The following CSMD1 variants were observed in gnomAD, a reference collection of about 807,000 sequenced individuals.
CSMD1 encodes the protein CUB and Sushi multiple domains 1, also known as CUB and sushi domain-containing protein 1.
In CSMD1, 213 loss-of-function variants were observed where a neutral mutation model predicts 417.5. That is an observed-to-expected ratio of 0.51 (90% CI 0.46 to 0.57). CSMD1 has a LOEUF of 0.57. Among genes scored for constraint, CSMD1 ranks in the 20% least tolerant of loss-of-function variants. The pLI, the probability that CSMD1 is intolerant of heterozygous loss-of-function variation, is 0.00. For missense variants in CSMD1, 6,923 were observed against 4,529.7 expected (o/e 1.53, Z -15.17); for synonymous variants, 2,862 against 1,736.8 (o/e 1.65, Z -16.11).
At chr8:4,226,875 A>C (rs1801392548) in intron 3 of CSMD1, among the ~76,000 whole-genome samples, 1 of 152,248 alleles carries the variant, frequency 6.6e-6, no homozygotes, top group African/African-American at 2.4e-5. Flanking sequence ...TTTGGGAATA[A>C]GAAATACATA....
chr8:3,616,339 T>C (rs536879320), intron 8 of CSMD1, among the ~76,000 whole-genome samples: 12 of 152,250 alleles, frequency 7.9e-5, no homozygotes, highest in African/African-American at 2.6e-4. Context: ...ACTTCGCTCA[T>C]TCTTCTCCTT....
At chr8:4,538,474 C>G (rs1157198727) in intron 2 of CSMD1, among the ~76,000 whole-genome samples, 1 of 151,888 alleles carries the variant, frequency 6.6e-6, no homozygotes, top group African/African-American at 2.4e-5. Context: ...GAAACCCTGT[C>G]TCTACTAAAA....
intron 3 of CSMD1, among the ~76,000 whole-genome samples, chr8:4,067,507 T>G (rs987067037): frequency 2.6e-5 from 4 of 152,284 alleles, no homozygotes; most frequent in African/African-American, 7.2e-5. Context: ...TTCAAAATTT[T>G]TAAATGCATT....
At chr8:3,548,952 CTGTCT>C (rs1798794687) in intron 10 of CSMD1, among the ~76,000 whole-genome samples, 1 of 152,116 alleles carries the variant, frequency 6.6e-6, no homozygotes, top group Non-Finnish European at 1.5e-5. Context: ...TGTGCCTGTC[CTGTCT>C]TAACTCTGCT....
chr8:3,969,437 G>A (rs896841634), intron 5 of CSMD1, among the ~76,000 whole-genome samples: 1 of 152,070 alleles, frequency 6.6e-6, no homozygotes, highest in African/African-American at 2.4e-5. Flanking sequence ...GGAGATGGGT[G>A]GTCATGGTCA....
At chr8:2,983,369 G>T (rs1805589169) in intron 54 of CSMD1, among the ~76,000 whole-genome samples, 1 of 151,974 alleles carries the variant, frequency 6.6e-6, no homozygotes, top group Admixed American at 6.6e-5. Context: ...TGTATTTTTA[G>T]TAGAGACAGA....
At chr8:4,287,258 A>G (rs1039195173) in intron 3 of CSMD1, among the ~76,000 whole-genome samples, 1 of 152,162 alleles carries the variant, frequency 6.6e-6, no homozygotes, top group East Asian at 1.9e-4. Flanking sequence ...ATTCCCCCTC[A>G]CATTCCTTGA....
At chr8:3,658,393 C>T (rs1450216144) in intron 7 of CSMD1, among the ~76,000 whole-genome samples, 1 of 150,322 alleles carries the variant, frequency 6.7e-6, no homozygotes, top group Non-Finnish European at 1.5e-5. Flanking sequence ...TAAATCATCC[C>T]AATCTTAAAA....
chr8:4,183,147 G>C (rs1371623229), intron 3 of CSMD1, among the ~76,000 whole-genome samples: 3 of 152,052 alleles, frequency 2.0e-5, no homozygotes, highest in African/African-American at 4.8e-5. Context: ...CATTTTAAAA[G>C]TTAATTAATG....
intron 9 of CSMD1, among the ~76,000 whole-genome samples, chr8:3,578,654 G>C (rs1800253757): frequency 1.3e-5 from 2 of 152,082 alleles, no homozygotes; most frequent in African/African-American, 4.8e-5. Context: ...CTTCACTCAT[G>C]GACTCTGCTG....
rs114738997 is a variant in CSMD1, at chr8:4,142,857, A to C, written c.416-110758T>G. On this transcript the variant is annotated intron_variant, in intron 3 of 69. Transcript: ENST00000635120. ...TTCTTAAATTGTTGTGCTGTTTCTA[A>C]TATCATCATTTGATAATATGATTAG... Among the ~76,000 whole-genome samples the C allele has an allele frequency of 2.2e-3, 329 of 151,316 alleles. 32 individuals are homozygous for C. The highest frequency in any genetic ancestry group is 7.7e-3 in the African/African-American group (311 of 40,612).
intron 37 of CSMD1, 77 bp from the exon 38 acceptor site, chr8:3,162,354 T>C: frequency 1.1e-6 from 1 of 907,754 alleles, no homozygotes; most frequent in Non-Finnish European, 1.8e-6. Flanking sequence ...CAAAGTTTAT[T>C]TCTATTGCTC....
chr8:3,831,349 T>C (rs762034095), intron 5 of CSMD1, among the ~76,000 whole-genome samples: 1 of 152,156 alleles, frequency 6.6e-6, no homozygotes. Context: ...CTGGAATTAT[T>C]AACAGCACTT....
At chr8:4,696,725 G>C (rs990090088) in intron 1 of CSMD1, among the ~76,000 whole-genome samples, 3 of 152,084 alleles carry the variant, frequency 2.0e-5, no homozygotes, top group Non-Finnish European at 4.4e-5. Context: ...TATTTCACTA[G>C]TACCCAGAAT....
chr8:3,835,929 A>C (rs1221616321), intron 5 of CSMD1, among the ~76,000 whole-genome samples: 3 of 152,152 alleles, frequency 2.0e-5, no homozygotes, highest in Admixed American at 6.6e-5. Flanking sequence ...TCTCCGTAGG[A>C]ACAATATGGG....
At chr8:3,371,694 G>T (rs901085707) in intron 18 of CSMD1, among the ~76,000 whole-genome samples, 4 of 152,060 alleles carry the variant, frequency 2.6e-5, no homozygotes, top group Non-Finnish European at 5.9e-5. Flanking sequence ...TAGCCTCATC[G>T]TGCTCACTAA....
chr8:4,593,566 A>G (rs1800100389), intron 2 of CSMD1, among the ~76,000 whole-genome samples: 2 of 152,180 alleles, frequency 1.3e-5, no homozygotes, highest in African/African-American at 2.4e-5. Flanking sequence ...ATTTATATAT[A>G]ATCACACTTC....
At chr8:4,771,716 C>A (rs1369835052) in intron 1 of CSMD1, among the ~76,000 whole-genome samples, 4 of 152,204 alleles carry the variant, frequency 2.6e-5, no homozygotes, top group African/African-American at 9.6e-5. Flanking sequence ...GCATGTCAGG[C>A]TAGCGGAGGG....
At chr8:3,396,091 A>G in intron 17 of CSMD1, 103 bp downstream of exon 17, 1 of 958,352 alleles carries the variant, frequency 1.0e-6, no homozygotes, top group Non-Finnish European at 1.6e-6. Flanking sequence ...AAGCAGGATC[A>G]GTAAACTAGC....
Sources: allele counts gnomAD v4.1 joint callset (sites outside exome capture counted in the v4.1 genomes callset), GRCh38; gene constraint gnomAD v4.1.1; transcripts MANE v1.5; gene names NCBI Gene and HGNC (gene_info 2026-07-23, HGNC 2026-07-21).